Variants in LPP observed in about 807,000 individuals in gnomAD.
The protein encoded by LPP is lipoma-preferred partner.
In LPP, 38 loss-of-function variants were observed where a neutral mutation model predicts 60.4. The observed-to-expected ratio is 0.63, with a 90% confidence interval of 0.49 to 0.83. The LOEUF (loss-of-function observed/expected upper bound fraction) is 0.83. Among genes scored for constraint, LPP ranks in the 40% least tolerant of loss-of-function variants. The probability of loss-of-function intolerance (pLI) is 0.00; values close to 1 mark genes in which losing one functional copy is unlikely to be tolerated. For synonymous variants in LPP, 328 were observed against 290.8 expected, an observed-to-expected ratio of 1.13 and a Z score of -1.30; for missense variants, 902 against 783.6, an observed-to-expected ratio of 1.15 and a Z score of -1.80.
At chr3:188,667,778 T>A (rs551307894) in intron 7 of LPP, among the ~76,000 whole-genome samples, 1 of 151,568 alleles carries the variant, frequency 6.6e-6, no homozygotes, top group East Asian at 1.9e-4. Flanking sequence ...TGTTATAGTT[T>A]TTTTTTTTCT....
rs184572939 is a variant in LPP at position 188,509,366 on chromosome 3, T to A, written c.307-15299T>A. ...TTATTTCATAAGAAGACACTAAAAC[T>A]AAGAGTATACGACTTGGTCAAACAT... On this transcript the variant is annotated intron_variant, in intron 5 of 11. Transcript: ENST00000617246. 3.6e-3 allele frequency among the ~76,000 whole-genome samples: 541 copies of A among 152,336 alleles called. 7 individuals are homozygous for A. The highest frequency in any genetic ancestry group is 0.013 in the African/African-American group (523 of 41,578).
intron 9 of LPP, among the ~76,000 whole-genome samples, chr3:188,836,437 C>A (rs538699417): frequency 6.6e-6 from 1 of 152,348 alleles, no homozygotes; most frequent in African/African-American, 2.4e-5. Flanking sequence ...GCTTTGTCAA[C>A]TTTCCAATCC....
chr3:188,889,011 A>G lies in LPP; in HGVS notation c.*14532A>G, dbSNP rs187912697. 419 of 219,220 alleles carry G rather than the reference A, an allele frequency of 1.9e-3. No individual in the cohort carries two copies. The highest frequency in any genetic ancestry group is 2.9e-3 in the Non-Finnish European group (315 of 109,230). The allele number at this position is 219,220 out of a possible 1,614,324, so 13.6% of individuals were successfully genotyped here. ...TAGTCTGTATTAGGATGTGTGTCAT[A>G]TGTGTGTTCTATAAACTAAGCATCG... is the stretch of plus-strand genomic sequence containing the variant. On this transcript the variant is annotated 3_prime_UTR_variant, in exon 12 of 12. Transcript: ENST00000617246.
rs1736196413 is a variant in LPP, at chr3:188,772,003, A to G, written c.1410+11721A>G. The stretch of plus-strand genomic sequence containing the variant: ...TCCTCCCCAGAATTTCTGCACAAGG[A>G]GACAGGAACTTTGCATCTTTTGCAA... On this transcript the variant is annotated intron_variant, in intron 9 of 11. Transcript: ENST00000617246. Among the ~76,000 whole-genome samples the G allele has an allele frequency of 2.6e-5, 4 of 152,202 alleles. No individual in the cohort carries two copies. The South Asian group carries it at 8.3e-4, about 32-fold the overall frequency.
intron 6 of LPP, among the ~76,000 whole-genome samples, chr3:188,578,473 T>A (rs1835286705): frequency 6.6e-6 from 1 of 152,194 alleles, no homozygotes; most frequent in Admixed American, 6.5e-5. Context: ...TAATACTGTC[T>A]TCATCAGTCC....
At chr3:188,839,495 G>T (rs1759358971) in intron 9 of LPP, among the ~76,000 whole-genome samples, 1 of 152,118 alleles carries the variant, frequency 6.6e-6, no homozygotes, top group Non-Finnish European at 1.5e-5. Flanking sequence ...CTGCTAACAG[G>T]GTTGTTCATT....
At chr3:188,794,760 A>C (rs1189616737) in intron 9 of LPP, among the ~76,000 whole-genome samples, 1 of 152,110 alleles carries the variant, frequency 6.6e-6, no homozygotes, top group Non-Finnish European at 1.5e-5. Context: ...CAAGAGCCAG[A>C]AAAAAATGGC....
At chr3:188,743,888 CTGTT>C (rs1391815998) in intron 8 of LPP, 1 of 152,144 alleles carries the variant, frequency 6.6e-6, no homozygotes, top group Non-Finnish European at 1.5e-5. Flanking sequence ...CCTCAGATAT[CTGTT>C]TGCCATCTGG....
chr3:188,294,923 G>A (rs755945411), intron 2 of LPP, among the ~76,000 whole-genome samples: 9 of 152,210 alleles, frequency 5.9e-5, no homozygotes, highest in African/African-American at 1.2e-4. Flanking sequence ...TAGCTGATGG[G>A]TTTAGAGAAC....
intron 6 of LPP, among the ~76,000 whole-genome samples, chr3:188,549,453 ATAAAAGGATGT>A (rs1827498948): frequency 6.6e-6 from 1 of 152,198 alleles, no homozygotes; most frequent in Non-Finnish European, 1.5e-5. Context: ...GTCTATAGGA[ATAAAAGGATGT>A]TAGCATGACT....
intron 10 of LPP, among the ~76,000 whole-genome samples, chr3:188,871,345 A>G (rs1209279550): frequency 2.6e-5 from 4 of 152,198 alleles, no homozygotes; most frequent in Non-Finnish European, 5.9e-5. Flanking sequence ...TGCATAAAAT[A>G]CCAATTATAA....
At chr3:188,459,357 G>A (rs879798543) in intron 4 of LPP, among the ~76,000 whole-genome samples, 4 of 152,112 alleles carry the variant, frequency 2.6e-5, no homozygotes, top group Non-Finnish European at 5.9e-5. Context: ...AAAAAGAAAA[G>A]TAAGAGAAAA....
chr3:188,811,089 G>C (rs1157067287), intron 9 of LPP, among the ~76,000 whole-genome samples: 1 of 151,204 alleles, frequency 6.6e-6, no homozygotes, highest in African/African-American at 2.4e-5. Flanking sequence ...TGAGTTATAG[G>C]GTATATATAT....
rs57278260 is a variant in LPP at position 188,770,168 on chromosome 3, C to CTT, written c.1410+9911_1410+9912dup. ...CTCATTTTCTTTCATAGTTATAATTCTTTTTTTTTTTTTTTTTTTTTTTTT... is the reference window on the plus strand; with the variant it reads ...CTCATTTTCTTTCATAGTTATAATTCTTTTTTTTTTTTTTTTTTTTTTTTTTT... On this transcript the variant is annotated intron_variant, in intron 9 of 11. Transcript: ENST00000617246. Among the ~76,000 whole-genome samples the CTT allele has an allele frequency of 8.0e-3, 514 of 64,616 alleles. 52 individuals are homozygous for CTT. The highest frequency in any genetic ancestry group is 0.022 in the African/African-American group (417 of 19,168). The allele number at this position is 64,616 out of a possible 152,430, so 42.4% of individuals were successfully genotyped here.
At chr3:188,319,957 A>G (rs745798907) in intron 2 of LPP, among the ~76,000 whole-genome samples, 2 of 152,052 alleles carry the variant, frequency 1.3e-5, no homozygotes, top group Non-Finnish European at 2.9e-5. Flanking sequence ...GGACCTTGAC[A>G]CTTTTTTAGT....
intron 1 of LPP, among the ~76,000 whole-genome samples, chr3:188,171,971 A>G (rs1422035985): frequency 3.3e-5 from 5 of 152,154 alleles, no homozygotes; most frequent in Non-Finnish European, 7.4e-5. Context: ...TGGTGGTGCA[A>G]CTCTTCAAGG....
chr3:188,715,834 G>T (rs987517196), intron 8 of LPP, among the ~76,000 whole-genome samples: 4 of 152,142 alleles, frequency 2.6e-5, no homozygotes, highest in Non-Finnish European at 5.9e-5. Flanking sequence ...TAATATTCTG[G>T]CTGAGGAGCC....
chr3:188,850,803 G>A (rs12489773), intron 9 of LPP, among the ~76,000 whole-genome samples: 2 of 151,870 alleles, frequency 1.3e-5, no homozygotes, highest in Admixed American at 1.3e-4. Context: ...AGTTCTGGGC[G>A]CCACATGATG....
intron 8 of LPP, chr3:188,746,404 A>T: frequency 2.1e-6 from 1 of 470,436 alleles, no homozygotes; most frequent in Non-Finnish European, 4.3e-6. Flanking sequence ...AATTAGTAGT[A>T]TGGCCACAAA....
Sources: gnomAD v4.1 joint callset for allele counts (sites outside exome capture counted in the v4.1 genomes callset) on GRCh38, gnomAD v4.1.1 for gene constraint, MANE v1.5 for transcripts, NCBI Gene and HGNC (gene_info 2026-07-23, HGNC 2026-07-21) for gene names.